The following CPED1 variants were observed in gnomAD, a reference collection of about 807,000 sequenced individuals.
CPED1 encodes the protein cadherin like and PC-esterase domain containing 1.
In CPED1, 114 loss-of-function variants were observed where a neutral mutation model predicts 128.2. The observed-to-expected ratio is 0.89, with a 90% CI of 0.76 to 1.04. The LOEUF is 1.04. CPED1 is among the 50% of genes least tolerant of loss of function. CPED1 has a pLI of 0.00. For synonymous variants in CPED1, 462 were observed against 426.7 expected, an observed-to-expected ratio of 1.08 and a Z score of -1.02; for missense variants, 1,211 against 1,207.1, an observed-to-expected ratio of 1.00 and a Z score of -0.05.
chr7:121,005,445 T>C (rs1274417230), intron 2 of CPED1, among the ~76,000 whole-genome samples: 6 of 151,318 alleles, frequency 4.0e-5, no homozygotes, highest in Non-Finnish European at 8.8e-5. Context: ...ATATACCCAG[T>C]AATGGGATTG....
chr7:121,077,117 A>G (rs1210112769), intron 5 of CPED1, among the ~76,000 whole-genome samples: 1 of 152,110 alleles, frequency 6.6e-6, no homozygotes, highest in African/African-American at 2.4e-5. Context: ...TCTGAAAATA[A>G]TGACTCCAGA....
At chr7:121,245,060 T>C (rs960635304) in intron 18 of CPED1, among the ~76,000 whole-genome samples, 4 of 152,164 alleles carry the variant, frequency 2.6e-5, no homozygotes, top group Non-Finnish European at 4.4e-5. Flanking sequence ...AGATGGACAT[T>C]TCCTTATACA....
intron 22 of CPED1, among the ~76,000 whole-genome samples, chr7:121,285,269 C>T (rs908226605): frequency 2.6e-5 from 4 of 152,170 alleles, no homozygotes; most frequent in African/African-American, 9.6e-5. Context: ...GGCCTTAGGC[C>T]TGGCCCACTA....
chr7:121,218,816 T>C (rs1002660435), intron 16 of CPED1, among the ~76,000 whole-genome samples: 2 of 152,020 alleles, frequency 1.3e-5, no homozygotes, highest in African/African-American at 4.8e-5. Context: ...ATAAAAAACC[T>C]GCATGTTCTA....
At chr7:121,139,769 C>G (rs1347850712) in intron 14 of CPED1, among the ~76,000 whole-genome samples, 1 of 151,986 alleles carries the variant, frequency 6.6e-6, no homozygotes, top group African/African-American at 2.4e-5. Flanking sequence ...ACAACAGTTA[C>G]TAAAATAATC....
At chr7:120,993,612 A>T (rs1207647605) in intron 2 of CPED1, among the ~76,000 whole-genome samples, 1 of 152,252 alleles carries the variant, frequency 6.6e-6, no homozygotes, top group African/African-American at 2.4e-5. Flanking sequence ...TTCTAAAAAA[A>T]TTCCTTACTT....
chr7:121,280,459 G>A (rs756602807), intron 22 of CPED1, among the ~76,000 whole-genome samples: 6 of 152,170 alleles, frequency 3.9e-5, no homozygotes, highest in Non-Finnish European at 8.8e-5. Context: ...GAGTTACAAA[G>A]CCTCAGCTGT....
intron 14 of CPED1, among the ~76,000 whole-genome samples, chr7:121,137,982 A>G (rs540573917): frequency 3.3e-5 from 5 of 152,192 alleles, no homozygotes; most frequent in Admixed American, 2.6e-4. Context: ...TTCCCATGTA[A>G]TATGGTGTAG....
intron 7 of CPED1, among the ~76,000 whole-genome samples, chr7:121,107,820 G>A (rs572332407): frequency 1.9e-4 from 29 of 151,980 alleles, no homozygotes; most frequent in Non-Finnish European, 3.1e-4. Context: ...TATTCCTTGA[G>A]ATCTGTCTCA....
chr7:121,125,627 A>G (rs1305969019), intron 8 of CPED1, among the ~76,000 whole-genome samples, 193 bp from the exon 9 acceptor site: 2 of 152,306 alleles, frequency 1.3e-5, no homozygotes, highest in Non-Finnish European at 2.9e-5. Flanking sequence ...ATGTCCCTGC[A>G]AAGTACTTGA....
rs1798279398 is a variant in CPED1 at position 121,237,223 on chromosome 7, C to T, written c.2173+392C>T. On this transcript the variant is annotated intron_variant, in intron 17 of 22. Coordinates refer to ENST00000310396, the MANE Select transcript of CPED1 (RefSeq NM_024913.5). ...ATTAATTGTTTAATGTCAGTTTTCC[C>T]AGGATGTCAGCTTCATGAGGGCAGA... is the stretch of plus-strand genomic sequence containing the variant. Among the ~76,000 whole-genome samples, 4 of 152,062 alleles carry T rather than the reference C, an allele frequency of 2.6e-5. No individual in the cohort carries two copies. In the South Asian group the frequency reaches 8.3e-4, roughly 32 times the overall value.
intron 16 of CPED1, among the ~76,000 whole-genome samples, chr7:121,206,055 A>G (rs1027051243): frequency 4.6e-5 from 7 of 152,080 alleles, no homozygotes; most frequent in African/African-American, 1.7e-4. Context: ...TACAGGCAAC[A>G]GTAACCTCCC....
chr7:121,282,642 T>C (rs993818645), intron 22 of CPED1, among the ~76,000 whole-genome samples: 1 of 152,208 alleles, frequency 6.6e-6, no homozygotes, highest in African/African-American at 2.4e-5. Context: ...GACACTGAAT[T>C]TTACACATAC....
intron 16 of CPED1, among the ~76,000 whole-genome samples, chr7:121,153,310 A>T (rs973602871): frequency 2.0e-5 from 3 of 152,234 alleles, no homozygotes; most frequent in Non-Finnish European, 4.4e-5. Context: ...CTTAGCCTAC[A>T]TGATTTCAAC....
chr7:121,268,440 C>T (rs1358873430), intron 21 of CPED1, among the ~76,000 whole-genome samples: 3 of 152,002 alleles, frequency 2.0e-5, no homozygotes, highest in Non-Finnish European at 1.5e-5. Context: ...TGGTGCTCAT[C>T]AATCTTTTCA....
intron 4 of CPED1, chr7:121,050,889 G>A (rs551399137): frequency 6.7e-5 from 32 of 479,574 alleles, no homozygotes; most frequent in South Asian, 4.5e-4. Context: ...CACCTGGCAC[G>A]CACCCTCCTC....
At chr7:121,059,991 C>T (rs1279342260) in intron 4 of CPED1, among the ~76,000 whole-genome samples, 6 of 152,134 alleles carry the variant, frequency 3.9e-5, no homozygotes, top group Non-Finnish European at 5.9e-5. Context: ...GAGCGGGAAC[C>T]CGGGCTGCGC....
At chr7:121,130,497 C>T (rs1795635474) in intron 12 of CPED1, among the ~76,000 whole-genome samples, 1 of 151,898 alleles carries the variant, frequency 6.6e-6, no homozygotes, top group African/African-American at 2.4e-5. Context: ...AAAATGTATC[C>T]AACAGTTTTT....
chr7:121,194,022 CTATATA>C (rs1231718616), intron 16 of CPED1, among the ~76,000 whole-genome samples: 895 of 74,554 alleles, frequency 0.012, 51 homozygotes, highest in African/African-American at 0.029. Context: ...CTCTCTCTCT[CTATATA>C]TATATATATA....
Sources: gnomAD v4.1 joint callset for allele counts (sites outside exome capture counted in the v4.1 genomes callset) on GRCh38, gnomAD v4.1.1 for gene constraint, MANE v1.5 for transcripts, NCBI Gene and HGNC (gene_info 2026-07-23, HGNC 2026-07-21) for gene names.